DLGAP1: variants seen among roughly 807,000 people sequenced by gnomAD.
The protein encoded by DLGAP1 is DLG associated protein 1.
DLGAP1 carries 11 observed loss-of-function variants against 90.8 expected under a neutral mutation model. That is an observed-to-expected ratio of 0.12 (90% CI 0.08 to 0.20). The LOEUF (loss-of-function observed/expected upper bound fraction) is 0.20. Ranked by LOEUF, DLGAP1 falls within the 10% of genes least tolerant of loss-of-function variation. DLGAP1 has a pLI of 1.00. For synonymous variants in DLGAP1, 558 were observed against 540.7 expected (o/e 1.03, Z -0.44); for missense variants, 1,050 against 1,333.8 (o/e 0.79, Z 3.31).
intron 7 of DLGAP1, among the ~76,000 whole-genome samples, chr18:3,682,699 G>A (rs200705728): frequency 1.2e-4 from 19 of 152,186 alleles, no homozygotes; most frequent in African/African-American, 3.9e-4. Context: ...AGTTCCTGTC[G>A]GCTGTAGCCC....
At chr18:4,236,482 C>T (rs906024548) in intron 1 of DLGAP1, among the ~76,000 whole-genome samples, 7 of 152,116 alleles carry the variant, frequency 4.6e-5, no homozygotes, top group Admixed American at 3.3e-4. Flanking sequence ...TTCCTCACAA[C>T]GCTTAGGAAT....
intron 5 of DLGAP1, among the ~76,000 whole-genome samples, chr18:3,746,682 T>C (rs1183842688): frequency 6.6e-6 from 1 of 152,078 alleles, no homozygotes; most frequent in Non-Finnish European, 1.5e-5. Flanking sequence ...AATATATAAA[T>C]TCACAGGAAA....
rs142755202 is a variant in DLGAP1 at position 4,227,389 on chromosome 18, G to A, written c.-266-76102C>T. Among the ~76,000 whole-genome samples the A allele has an allele frequency of 8.6e-5, 13 of 151,938 alleles. No homozygotes were observed. In the East Asian group the frequency reaches 2.1e-3, roughly 25 times the overall value. Reference sequence around the variant, plus strand: ...TTACAGAACATTTCATCCAACGGCTGCAGAATACACATTCTTCTCCACAGC... The same window carrying A: ...TTACAGAACATTTCATCCAACGGCTACAGAATACACATTCTTCTCCACAGC... On this transcript the variant is annotated intron_variant, in intron 1 of 12. Transcript: ENST00000315677.
intron 6 of DLGAP1, among the ~76,000 whole-genome samples, chr18:3,741,240 C>CCA (rs1352704262): frequency 1.6e-5 from 2 of 123,224 alleles, no homozygotes; most frequent in Non-Finnish European, 3.4e-5. Flanking sequence ...ACCACCACCA[C>CCA]CATCACCATC....
chr18:4,071,618 T>C (rs1048994363), intron 2 of DLGAP1, among the ~76,000 whole-genome samples: 1 of 152,178 alleles, frequency 6.6e-6, no homozygotes, highest in Non-Finnish European at 1.5e-5. Context: ...AATAGTCCCA[T>C]TATATTAGTG....
intron 7 of DLGAP1, among the ~76,000 whole-genome samples, chr18:3,690,287 A>G (rs1016509036): frequency 6.6e-6 from 1 of 151,920 alleles, no homozygotes. Context: ...GGGTCTTGCC[A>G]TGTTGCTCAG....
intron 1 of DLGAP1, among the ~76,000 whole-genome samples, chr18:4,249,392 C>T (rs960294015): frequency 8.6e-5 from 12 of 140,060 alleles, no homozygotes; most frequent in South Asian, 2.2e-4. Context: ...CCTGGCTACA[C>T]GAGAGTACTA....
intron 5 of DLGAP1, among the ~76,000 whole-genome samples, chr18:3,810,226 T>G (rs1336189419): frequency 6.6e-6 from 1 of 152,190 alleles, no homozygotes; most frequent in Non-Finnish European, 1.5e-5. Flanking sequence ...GTCTCAAAAC[T>G]ACTCCTAACA....
chr18:4,274,615 A>G (rs1169474981), intron 1 of DLGAP1, among the ~76,000 whole-genome samples: 2 of 152,234 alleles, frequency 1.3e-5, no homozygotes. Flanking sequence ...CAATACAGGT[A>G]GATAGGCACT....
chr18:4,357,411 C>G (rs1460350547), intron 1 of DLGAP1, among the ~76,000 whole-genome samples: 2 of 152,038 alleles, frequency 1.3e-5, no homozygotes, highest in Admixed American at 6.6e-5. Flanking sequence ...GCCTCGGCCT[C>G]CCACCATTTC....
chr18:4,196,925 C>A (rs1384955058), intron 1 of DLGAP1, among the ~76,000 whole-genome samples: 1 of 151,918 alleles, frequency 6.6e-6, no homozygotes, highest in Non-Finnish European at 1.5e-5. Context: ...ATAATCCCAG[C>A]ACTTTGGGAG....
In DLGAP1 at chr18:3,567,528, C is replaced by T; in HGVS notation, c.2019G>A (p.Lys673=). Residue 673 remains lysine, a synonymous_variant, in exon 9 of 13, where the codon AAG becomes AAA. Transcript: ENST00000315677. ...DKTGENKAPS[K]FQSVGVQVEE... is the part of the protein sequence containing the mutation. Reference sequence around the variant, plus strand: ...CTACTTGCACTCCCACGGACTGGAACTTACTGGGTGCTTTATTCTCCCCTG... The same window carrying T: ...CTACTTGCACTCCCACGGACTGGAATTTACTGGGTGCTTTATTCTCCCCTG... The T allele has an allele frequency of 6.2e-7, 1 of 1,614,096 alleles. No individual in the cohort carries two copies. The highest frequency in any genetic ancestry group is 8.5e-7 in the Non-Finnish European group (1 of 1,179,992).
intron 1 of DLGAP1, among the ~76,000 whole-genome samples, chr18:4,233,205 T>C (rs1382728180): frequency 5.3e-5 from 8 of 152,246 alleles, no homozygotes; most frequent in South Asian, 2.1e-4. Context: ...ATTTTACTTA[T>C]TTCCCCAGTA....
intron 1 of DLGAP1, among the ~76,000 whole-genome samples, chr18:4,278,954 C>T (rs2079484343): frequency 6.6e-6 from 1 of 152,164 alleles, no homozygotes; most frequent in Admixed American, 6.6e-5. Context: ...ATACCTCTTC[C>T]TCTACAAAGC....
At chr18:3,902,945 G>C (rs1056278832) in intron 3 of DLGAP1, among the ~76,000 whole-genome samples, 2 of 152,082 alleles carry the variant, frequency 1.3e-5, no homozygotes, top group African/African-American at 4.8e-5. Flanking sequence ...CCTTCGCTGA[G>C]AGTGATCAGC....
chr18:4,316,378 T>A (rs1162505431), intron 1 of DLGAP1, among the ~76,000 whole-genome samples: 1 of 152,160 alleles, frequency 6.6e-6, no homozygotes, highest in East Asian at 1.9e-4. Context: ...TTACTCTCCA[T>A]CCTGTAGAAA....
intron 2 of DLGAP1, among the ~76,000 whole-genome samples, chr18:4,034,338 G>A (rs185136658): frequency 7.9e-5 from 12 of 152,082 alleles, no homozygotes; most frequent in East Asian, 7.7e-4. Flanking sequence ...CACTGCGCCC[G>A]GCTGCAAATT....
chr18:4,187,347 C>T (rs1292774457), intron 1 of DLGAP1, among the ~76,000 whole-genome samples: 1 of 152,064 alleles, frequency 6.6e-6, no homozygotes, highest in East Asian at 1.9e-4. Context: ...AAGAATGTTT[C>T]CAGCTTTTGC....
intron 1 of DLGAP1, among the ~76,000 whole-genome samples, chr18:4,328,001 A>T (rs183449955): frequency 6.6e-6 from 1 of 150,392 alleles, no homozygotes. Context: ...GAATTGTCAT[A>T]AATCCCCTAC....
Sources: allele counts gnomAD v4.1 joint callset (sites outside exome capture counted in the v4.1 genomes callset), GRCh38; gene constraint gnomAD v4.1.1; transcripts MANE v1.5; gene names NCBI Gene and HGNC (gene_info 2026-07-23, HGNC 2026-07-21).